Variants in PIK3C2G observed in about 807,000 individuals in gnomAD.
PIK3C2G encodes phosphatidylinositol 3-kinase C2 domain-containing subunit gamma.
In PIK3C2G, 168 loss-of-function variants were observed where a neutral mutation model predicts 181.1. The observed-to-expected ratio is 0.93, with a 90% confidence interval of 0.82 to 1.05. PIK3C2G has a LOEUF of 1.05. PIK3C2G is among the 50% of genes least tolerant of loss of function. The pLI is 0.00. For synonymous variants in PIK3C2G, 573 were observed against 592.2 expected, an observed-to-expected ratio of 0.97 and a Z score of 0.47; for missense variants, 1,869 against 1,732.8, an observed-to-expected ratio of 1.08 and a Z score of -1.40.
intron 18 of PIK3C2G, among the ~76,000 whole-genome samples, chr12:18,469,775 C>CT (rs1938270969): frequency 1.4e-5 from 1 of 72,026 alleles, no homozygotes; most frequent in South Asian, 3.5e-4. Flanking sequence ...TGAAGTCTCT[C>CT]TTTAAAAAAA....
intron 18 of PIK3C2G, among the ~76,000 whole-genome samples, chr12:18,449,311 T>C (rs1445405925): frequency 6.6e-6 from 1 of 152,126 alleles, no homozygotes; most frequent in Non-Finnish European, 1.5e-5. Context: ...TTACTTTAAG[T>C]TCTGGGATAC....
At chr12:18,704,607 A>G in the PIK3C2G span, among the ~76,000 whole-genome samples, 1 of 152,090 alleles carries the variant, frequency 6.6e-6, no homozygotes, top group Non-Finnish European at 1.5e-5. Context: ...GATTACAGGC[A>G]TGAGTCACTG....
In PIK3C2G at chr12:18,491,433, T is replaced by G; in HGVS notation, c.2686-18T>G. 7.9e-7 allele frequency: 1 copy of G among 1,264,646 alleles called. No individual in the cohort carries two copies. Among genetic ancestry groups the G allele is most frequent in the African/African-American group, 1.5e-5 (1 of 67,134 alleles). 78.3% of individuals were successfully genotyped at this position (1,264,646 alleles called of 1,614,324 possible). A position where few individuals can be genotyped will look rare whatever the true frequency, so the allele number is the denominator to read the frequency against. On this transcript the variant is annotated intron_variant, in intron 19 of 32. Transcript: ENST00000538779. ...TCTTTACATTTTCTTAAATCCTTTT[T>G]CTAATGATTTTTCACAGGAGGTACT...
At position 18,355,530 on chromosome 12, in the gene PIK3C2G, G is replaced by A. The variant is rs1940641540; in HGVS notation, c.1626-7234G>A. ...AGAGTCTATGGGCTTGTGGCAGGAG[G>A]GGAAGGCATGCAGAGAGCACTGGCC... On this transcript the variant is annotated intron_variant, in intron 11 of 32. Coordinates refer to ENST00000538779, the MANE Select transcript of PIK3C2G (RefSeq NM_001288772.2). Among the ~76,000 whole-genome samples, 3 of 152,294 alleles carry A rather than the reference G, an allele frequency of 2.0e-5. No homozygotes were observed. The South Asian group carries it at 6.2e-4, about 32-fold the overall frequency.
chr12:18,719,579 G>A, the PIK3C2G span: 710 of 1,605,982 alleles, frequency 4.4e-4, 2 homozygotes, highest in African/African-American at 7.5e-3. Flanking sequence ...AGACATTCAC[G>A]TGAATCCATG....
intron 14 of PIK3C2G, 64 bp from the exon 15 acceptor site, chr12:18,391,058 T>A (rs984281930): frequency 2.5e-6 from 3 of 1,181,514 alleles, no homozygotes; most frequent in Admixed American, 5.5e-5. Flanking sequence ...AAGATAGGAA[T>A]ATTAAATCAA....
At chr12:18,427,299 A>T (rs1178162614) in intron 18 of PIK3C2G, among the ~76,000 whole-genome samples, 1 of 151,754 alleles carries the variant, frequency 6.6e-6, no homozygotes, top group African/African-American at 2.4e-5. Flanking sequence ...TGAGGTCAGG[A>T]GTCCGAGATC....
At chr12:18,441,477 G>A (rs762915951) in intron 18 of PIK3C2G, among the ~76,000 whole-genome samples, 8 of 152,108 alleles carry the variant, frequency 5.3e-5, no homozygotes, top group Non-Finnish European at 1.2e-4. Context: ...ACATTGATGA[G>A]ACGGAAGAAA....
At chr12:18,402,995 A>C (rs571249116) in intron 16 of PIK3C2G, among the ~76,000 whole-genome samples, 1 of 152,218 alleles carries the variant, frequency 6.6e-6, no homozygotes, top group South Asian at 2.1e-4. Context: ...TAAGTTGAAA[A>C]CCTGGGAATC....
chr12:18,349,878 G>A (rs1157764227), intron 11 of PIK3C2G, among the ~76,000 whole-genome samples: 2 of 152,094 alleles, frequency 1.3e-5, no homozygotes, highest in African/African-American at 4.8e-5. Context: ...CATGCAACAG[G>A]CACTCGATAA....
At chr12:18,454,023 C>T (rs1023260037) in intron 18 of PIK3C2G, among the ~76,000 whole-genome samples, 1 of 152,102 alleles carries the variant, frequency 6.6e-6, no homozygotes, top group Non-Finnish European at 1.5e-5. Context: ...TGATACACGT[C>T]TTCTTTTCAA....
At chr12:18,702,566 A>T in the PIK3C2G span, among the ~76,000 whole-genome samples, 2 of 152,080 alleles carry the variant, frequency 1.3e-5, no homozygotes, top group Admixed American at 6.6e-5. Context: ...AAATTATTCC[A>T]TCATCTTGGG....
intron 31 of PIK3C2G, among the ~76,000 whole-genome samples, chr12:18,637,206 A>G (rs1441300950): frequency 1.3e-5 from 2 of 152,280 alleles, no homozygotes; most frequent in Non-Finnish European, 2.9e-5. Context: ...GTAAAAACCC[A>G]TAGGTCCCTT....
intron 18 of PIK3C2G, among the ~76,000 whole-genome samples, chr12:18,426,542 G>A (rs1226544043): frequency 2.6e-5 from 4 of 151,866 alleles, no homozygotes; most frequent in Non-Finnish European, 4.4e-5. Flanking sequence ...AATTTCATAG[G>A]ACAAAGTTTT....
At chr12:18,398,063 TA>T (rs1343724016) in intron 15 of PIK3C2G, among the ~76,000 whole-genome samples, 1 of 152,198 alleles carries the variant, frequency 6.6e-6, no homozygotes, top group Non-Finnish European at 1.5e-5. Flanking sequence ...TATGAGGTTC[TA>T]AAAGGTTAAT....
chr12:18,378,078 T>C (rs1041084289), intron 13 of PIK3C2G, among the ~76,000 whole-genome samples: 7 of 152,268 alleles, frequency 4.6e-5, no homozygotes, highest in Admixed American at 4.6e-4. Context: ...CACATGTGCC[T>C]CAGGGTTAAA....
At chr12:18,246,236 C>G (rs1948038603), upstream of PIK3C2G, among the ~76,000 whole-genome samples, 1 of 152,072 alleles carries the variant, frequency 6.6e-6, no homozygotes, top group African/African-American at 2.4e-5. Context: ...TGGCTGGCCT[C>G]TAGGTGGCTT....
intron 26 of PIK3C2G, among the ~76,000 whole-genome samples, chr12:18,555,478 G>A (rs1944959120): frequency 6.6e-6 from 1 of 152,062 alleles, no homozygotes; most frequent in Non-Finnish European, 1.5e-5. Flanking sequence ...CACACACAGT[G>A]CTAAGAAACC....
rs566316772 is a variant in PIK3C2G, at chr12:18,497,608, G to A, written c.2887-11G>A. On this transcript the variant is annotated splice_polypyrimidine_tract_variant and intron_variant, in intron 21 of 32. Coordinates refer to ENST00000538779, the MANE Select transcript of PIK3C2G (RefSeq NM_001288772.2). The stretch of plus-strand genomic sequence containing the variant: ...GGAAAAACCCAGGGTCTATAATTTT[G>A]TTTTTAACAGGCTGGAGATGATCTT... The A allele has an allele frequency of 1.2e-4, 185 of 1,608,190 alleles. No individual in the cohort carries two copies. The highest frequency in any genetic ancestry group is 1.5e-4 in the Non-Finnish European group (180 of 1,176,760).
Sources: allele counts gnomAD v4.1 joint callset (sites outside exome capture counted in the v4.1 genomes callset), GRCh38; gene constraint gnomAD v4.1.1; transcripts MANE v1.5; gene names NCBI Gene and HGNC (gene_info 2026-07-23, HGNC 2026-07-21).